Variants in XPO1 observed in about 807,000 individuals in gnomAD.
The protein encoded by XPO1 is exportin 1.
Under a neutral mutation model 133.3 loss-of-function variants are expected in XPO1, and 5 were observed. The ratio of observed to expected loss-of-function variants is 0.04; its 90% CI spans 0.02 to 0.08. The LOEUF (loss-of-function observed/expected upper bound fraction) is 0.08, where lower values mean the gene tolerates loss of function less well. XPO1 is among the 10% of genes least tolerant of loss of function. XPO1 has a pLI of 1.00. For synonymous variants in XPO1, 419 were observed against 408.2 expected, an observed-to-expected ratio of 1.03 and a Z score of -0.32; for missense variants, 506 against 1,267.5, an observed-to-expected ratio of 0.40 and a Z score of 9.12.
At chr2:61,501,801 G>A (rs934186581) in intron 6 of XPO1, among the ~76,000 whole-genome samples, 195 bp downstream of exon 6, 1 of 151,606 alleles carries the variant, frequency 6.6e-6, no homozygotes, top group African/African-American at 2.4e-5. Context: ...ATAAATGATG[G>A]CTTTAACGTT....
intron 4 of XPO1, among the ~76,000 whole-genome samples, chr2:61,521,971 T>C (rs1322364755): frequency 1.3e-5 from 2 of 152,178 alleles, no homozygotes; most frequent in African/African-American, 4.8e-5. Context: ...TTACCCAGGA[T>C]GGTCTCAAAC....
At position 61,538,260 on chromosome 2, in the gene XPO1, G is replaced by C. The variant is rs901311540; in HGVS notation, c.-705C>G. On this transcript the variant is annotated 5_prime_UTR_variant, in exon 1 of 25. Coordinates refer to ENST00000401558, the MANE Select transcript of XPO1 (RefSeq NM_003400.4). ...GCAGCCGCTTCTCCCCCTCCTCCTAGTGCCTCAAACTCGGAACCGGTTGAA... is the reference window on the plus strand; with the variant it reads ...GCAGCCGCTTCTCCCCCTCCTCCTACTGCCTCAAACTCGGAACCGGTTGAA... 6.3e-6 allele frequency: 1 copy of C among 158,314 alleles called. No homozygotes were observed. The highest frequency in any genetic ancestry group is 2.4e-5 in the African/African-American group (1 of 41,508). 9.8% of individuals were successfully genotyped at this position (158,314 alleles called of 1,614,324 possible). A position where few individuals can be genotyped will look rare whatever the true frequency, so the allele number is the denominator to read the frequency against.
chr2:61,533,906 G>A lies in XPO1; in HGVS notation c.-6-3C>T. The A allele has an allele frequency of 6.6e-7, 1 of 1,512,826 alleles. No homozygotes were observed. 93.7% of individuals were successfully genotyped at this position (1,512,826 alleles called of 1,614,324 possible). A position where few individuals can be genotyped will look rare whatever the true frequency, so the allele number is the denominator to read the frequency against. On this transcript the variant is annotated splice_polypyrimidine_tract_variant and splice_region_variant and intron_variant, in intron 1 of 24. Transcript: ENST00000401558. The stretch of plus-strand genomic sequence containing the variant: ...GTCATAATTGCTGGCATAGATTACT[G>A]AAAATAAAGAAAAAAAATTGAAGCT...
At chr2:61,507,262 G>C (rs913426618) in intron 4 of XPO1, among the ~76,000 whole-genome samples, 2 of 82,872 alleles carry the variant, frequency 2.4e-5, no homozygotes, top group Non-Finnish European at 5.2e-5. Context: ...AAAAAAAAGA[G>C]TGAAGAAAAC....
chr2:61,497,218 AC>A (rs1009159831), intron 9 of XPO1, among the ~76,000 whole-genome samples: 4 of 152,064 alleles, frequency 2.6e-5, no homozygotes, highest in Non-Finnish European at 5.9e-5. Context: ...TTAGGAGCAA[AC>A]TTTTTTTGTT....
At chr2:61,486,212 T>G (rs1198266071) in intron 19 of XPO1, among the ~76,000 whole-genome samples, 3 of 152,086 alleles carry the variant, frequency 2.0e-5, no homozygotes, top group Non-Finnish European at 2.9e-5. Flanking sequence ...AGTCTCACTG[T>G]CACTCAGACC....
At chr2:61,494,749 G>A (rs1459295033) in intron 11 of XPO1, 2 of 149,884 alleles carry the variant, frequency 1.3e-5, no homozygotes, top group Admixed American at 1.3e-4. Context: ...ATACTAATAT[G>A]CCACTGAATT....
chr2:61,511,838 A>T (rs1317892407), intron 4 of XPO1, among the ~76,000 whole-genome samples: 1 of 152,002 alleles, frequency 6.6e-6, no homozygotes, highest in African/African-American at 2.4e-5. Flanking sequence ...AGCTCACTGC[A>T]GCCTCCACCT....
intron 2 of XPO1, among the ~76,000 whole-genome samples, chr2:61,527,428 C>T (rs541014617): frequency 1.3e-5 from 2 of 151,734 alleles, no homozygotes; most frequent in African/African-American, 2.4e-5. Flanking sequence ...ATCAAGGTTG[C>T]ACCGAGCTAT....
In XPO1 at chr2:61,518,417, AACACACACACACACACACAC is replaced by A. The variant is rs200566050; in HGVS notation, c.301+4174_301+4193del. Among the ~76,000 whole-genome samples, 222 of 124,518 alleles carry A rather than the reference AACACACACACACACACACAC, an allele frequency of 1.8e-3. 4 individuals are homozygous for A. The East Asian group carries it at 0.019, about 11-fold the overall frequency. The allele number at this position is 124,518 out of a possible 152,430, so 81.7% of individuals were successfully genotyped here. ...AAAAAAAACAAAAAACAAAAAACAAAACACACACACACACACACACACACACACACACACACACACACACA... is the reference window on the plus strand; with the variant it reads ...AAAAAAAACAAAAAACAAAAAACAAAACACACACACACACACACACACACA... On this transcript the variant is annotated intron_variant, in intron 4 of 24. Transcript: ENST00000401558.
rs1218807432 is a variant in XPO1 at position 61,524,084 on chromosome 2, G to A, written c.229-1401C>T. Among the ~76,000 whole-genome samples the A allele has an allele frequency of 2.0e-5, 3 of 152,108 alleles. No homozygotes were observed. In the East Asian group the frequency reaches 5.8e-4, roughly 29 times the overall value. On this transcript the variant is annotated intron_variant, in intron 3 of 24. Coordinates refer to ENST00000401558, the MANE Select transcript of XPO1 (RefSeq NM_003400.4). ...AAAAAAGAGAGTTGTCCAAATGCCTGAAGTTCTTAATTAGCTTTTAAAAAC... is the reference window on the plus strand; with the variant it reads ...AAAAAAGAGAGTTGTCCAAATGCCTAAAGTTCTTAATTAGCTTTTAAAAAC...
chr2:61,487,822 A>G (rs1696771789), intron 19 of XPO1, among the ~76,000 whole-genome samples: 1 of 152,228 alleles, frequency 6.6e-6, no homozygotes. Context: ...ACAACTTTGT[A>G]GCTCTAGCAA....
chr2:61,497,648 T>C (rs761295525), intron 9 of XPO1, among the ~76,000 whole-genome samples: 9 of 152,314 alleles, frequency 5.9e-5, no homozygotes, highest in Non-Finnish European at 1.2e-4. Context: ...GCTTAGAATT[T>C]TGGGAAATGG....
chr2:61,530,159 G>A (rs1292000188), intron 2 of XPO1, among the ~76,000 whole-genome samples: 1 of 152,124 alleles, frequency 6.6e-6, no homozygotes, highest in African/African-American at 2.4e-5. Context: ...AAAGTTACTT[G>A]GTCAAGTTAC....
intron 19 of XPO1, among the ~76,000 whole-genome samples, chr2:61,486,533 T>C (rs754548751): frequency 2.0e-5 from 3 of 152,136 alleles, no homozygotes; most frequent in Non-Finnish European, 4.4e-5. Flanking sequence ...CTTGGCTCAC[T>C]GCAAGCTCCG....
At chr2:61,490,593 G>A (rs747358068) in intron 17 of XPO1, 49 bp downstream of exon 17, 16 of 1,610,620 alleles carry the variant, frequency 9.9e-6, no homozygotes, top group African/African-American at 4.0e-5. Flanking sequence ...TAAAGAACAC[G>A]TCTTGTTAAA....
chr2:61,498,651 A>T lies in XPO1; in HGVS notation c.759+22T>A, dbSNP rs565467865. On this transcript the variant is annotated intron_variant, in intron 9 of 24. Coordinates refer to ENST00000401558, the MANE Select transcript of XPO1 (RefSeq NM_003400.4). ...TATATGTGGCTATCCGGTGACAAAT[A>T]ACTGAAATGTATTCACTGTACCTTA... is the stretch of plus-strand genomic sequence containing the variant. 41 of 1,610,726 alleles carry T rather than the reference A, an allele frequency of 2.5e-5. No homozygotes were observed. The East Asian group carries it at 9.2e-4, about 36-fold the overall frequency.
In XPO1 at chr2:61,483,999, T is replaced by C; in HGVS notation, c.2615A>G (p.Lys872Arg). Reference protein sequence around the residue: ...AFLAIPPTQFKLVLDSIIWAF... With the variant: ...AFLAIPPTQFRLVLDSIIWAF... ...CCAAATGATGGAATCCAAAACAAGT[T>C]TAAACTGTGTAGGTGGAATAGCAAG... Residue 872 changes from lysine (K) to arginine (R), a missense_variant, in exon 21 of 25, where the codon AAA becomes AGA. By Grantham distance (26) the Lys-to-Arg change is conservative (BLOSUM62 2). Transcript: ENST00000401558. 2 of 1,613,984 alleles carry C rather than the reference T, an allele frequency of 1.2e-6. No homozygotes were observed. Among genetic ancestry groups the C allele is most frequent in the Non-Finnish European group, 1.7e-6 (2 of 1,179,940 alleles).
At chr2:61,532,014 A>C (rs1699175706) in intron 2 of XPO1, among the ~76,000 whole-genome samples, 1 of 152,236 alleles carries the variant, frequency 6.6e-6, no homozygotes, top group African/African-American at 2.4e-5. Flanking sequence ...AGGGAATGGA[A>C]ACATTTATAC....
Sources: allele counts gnomAD v4.1 joint callset (sites outside exome capture counted in the v4.1 genomes callset), GRCh38; gene constraint gnomAD v4.1.1; transcripts MANE v1.5; gene names NCBI Gene and HGNC (gene_info 2026-07-23, HGNC 2026-07-21).